The following COG5 variants were observed in gnomAD, a reference collection of about 807,000 sequenced individuals.
COG5 encodes component of oligomeric golgi complex 5.
COG5 carries 86 observed loss-of-function variants against 110.4 expected under a neutral mutation model. The observed-to-expected ratio is 0.78, with a 90% CI of 0.65 to 0.93. The LOEUF is 0.93. COG5 is among the 40% of genes least tolerant of loss of function. The pLI is 0.00. For missense variants in COG5, 1,077 were observed against 987.0 expected (o/e 1.09, Z -1.22); for synonymous variants, 360 against 334.6 (o/e 1.08, Z -0.83).
intron 11 of COG5, among the ~76,000 whole-genome samples, chr7:107,314,326 G>T (rs1808536206): frequency 6.6e-6 from 1 of 152,106 alleles, no homozygotes; most frequent in Non-Finnish European, 1.5e-5. Context: ...TATTCTTGAT[G>T]CTGTACTTGA....
At chr7:107,266,997 C>A (rs144293006) in intron 14 of COG5, among the ~76,000 whole-genome samples, 15 of 152,280 alleles carry the variant, frequency 9.9e-5, no homozygotes, top group African/African-American at 3.4e-4. Context: ...CAGGCTAAAT[C>A]TTCACACAAA....
At chr7:107,507,667 T>G (rs1023149835) in intron 6 of COG5, among the ~76,000 whole-genome samples, 5 of 152,204 alleles carry the variant, frequency 3.3e-5, no homozygotes, top group African/African-American at 9.6e-5. Flanking sequence ...CAAAAAACAT[T>G]AATTACTTCA....
intron 6 of COG5, among the ~76,000 whole-genome samples, chr7:107,425,777 T>G (rs184416395): frequency 6.6e-6 from 1 of 152,300 alleles, no homozygotes; most frequent in East Asian, 1.9e-4. Flanking sequence ...AACATTCATA[T>G]AATGCTTACT....
intron 14 of COG5, among the ~76,000 whole-genome samples, chr7:107,273,249 G>A (rs1227484859): frequency 6.6e-6 from 1 of 152,054 alleles, no homozygotes; most frequent in Non-Finnish European, 1.5e-5. Flanking sequence ...TAGTGGCCCT[G>A]GGCAGTAAAT....
chr7:107,319,917 T>G (rs1809106752), intron 11 of COG5, among the ~76,000 whole-genome samples: 1 of 152,128 alleles, frequency 6.6e-6, no homozygotes, highest in Non-Finnish European at 1.5e-5. Context: ...GCAATGACTG[T>G]GCCTGTGAAT....
chr7:107,472,299 T>C (rs1796681109), intron 6 of COG5: 1 of 151,954 alleles, frequency 6.6e-6, no homozygotes, highest in Non-Finnish European at 1.5e-5. Context: ...TTCACTGTTG[T>C]CAGGTAAAAA....
chr7:107,505,628 C>A (rs1798936141), intron 6 of COG5, among the ~76,000 whole-genome samples: 1 of 152,238 alleles, frequency 6.6e-6, no homozygotes, highest in East Asian at 1.9e-4. Context: ...AGCACCAGGA[C>A]TGCCTGACTG....
intron 6 of COG5, among the ~76,000 whole-genome samples, chr7:107,481,531 TC>T (rs1439793837): frequency 6.6e-6 from 1 of 152,054 alleles, no homozygotes; most frequent in African/African-American, 2.4e-5. Context: ...TTACACACAA[TC>T]CCATACGTCA....
At chr7:107,353,763 T>C (rs984875754) in intron 10 of COG5, among the ~76,000 whole-genome samples, 1 of 152,202 alleles carries the variant, frequency 6.6e-6, no homozygotes, top group Non-Finnish European at 1.5e-5. Flanking sequence ...ATTCAGACCA[T>C]TTATGCCCTC....
chr7:107,436,836 G>A (rs1470800027), intron 6 of COG5, among the ~76,000 whole-genome samples: 1 of 152,182 alleles, frequency 6.6e-6, no homozygotes, highest in Admixed American at 6.5e-5. Context: ...AAGACGCAGT[G>A]TGCCTTGTTT....
At chr7:107,465,197 A>G (rs1796225580) in intron 6 of COG5, among the ~76,000 whole-genome samples, 2 of 152,196 alleles carry the variant, frequency 1.3e-5, no homozygotes, top group African/African-American at 4.8e-5. Context: ...CTATTTGCAG[A>G]CAATTGTCTA....
chr7:107,356,877 CCTT>C (rs918587093), intron 10 of COG5, among the ~76,000 whole-genome samples: 71 of 152,154 alleles, frequency 4.7e-4, no homozygotes, highest in African/African-American at 1.6e-3. Flanking sequence ...CAGGATATAT[CCTT>C]CTTAAATATC....
chr7:107,283,927 T>G (rs922012804), intron 12 of COG5, among the ~76,000 whole-genome samples, 195 bp from the exon 13 acceptor site: 2 of 149,946 alleles, frequency 1.3e-5, no homozygotes, highest in African/African-American at 2.4e-5. Context: ...AGGACCATAG[T>G]AACCTTTTTT....
chr7:107,561,942 C>G (rs765658981), intron 1 of COG5, among the ~76,000 whole-genome samples: 2 of 151,836 alleles, frequency 1.3e-5, no homozygotes, highest in African/African-American at 2.4e-5. Flanking sequence ...CGCCACTGCA[C>G]TCCAGCCTGG....
chr7:107,368,047 G>A (rs1472435634), intron 8 of COG5, among the ~76,000 whole-genome samples: 1 of 151,996 alleles, frequency 6.6e-6, no homozygotes, highest in African/African-American at 2.4e-5. Context: ...CTAACAACTG[G>A]CAAATGAGGA....
rs552557901 is a variant in COG5, at chr7:107,321,023, A to G, written c.1108+3417T>C. Among the ~76,000 whole-genome samples the G allele has an allele frequency of 5.1e-4, 77 of 152,334 alleles. No homozygotes were observed. In the South Asian group the frequency reaches 0.011, roughly 22 times the overall value. On this transcript the variant is annotated intron_variant, in intron 11 of 21. Coordinates refer to ENST00000297135, the MANE Select transcript of COG5 (RefSeq NM_006348.5). ...GACATCAGGGTTTCAAAGGGCTTCC[A>G]TAAGTGAGTTTTACATTTGCTTTCT... is the stretch of plus-strand genomic sequence containing the variant.
intron 5 of COG5, among the ~76,000 whole-genome samples, chr7:107,538,956 T>C (rs1258446371): frequency 6.6e-6 from 1 of 152,104 alleles, no homozygotes; most frequent in African/African-American, 2.4e-5. Context: ...TAAGTCCTCA[T>C]TAAACATCAT....
intron 14 of COG5, among the ~76,000 whole-genome samples, chr7:107,261,346 G>C (rs1210998879): frequency 6.6e-6 from 1 of 151,778 alleles, no homozygotes; most frequent in Non-Finnish European, 1.5e-5. Flanking sequence ...CTCAGATACA[G>C]GAACGTGCAT....
chr7:107,531,640 C>T (rs1023004678), intron 5 of COG5, among the ~76,000 whole-genome samples: 53 of 101,544 alleles, frequency 5.2e-4, no homozygotes, highest in African/African-American at 1.3e-3. Flanking sequence ...TCGGTGAGGG[C>T]GGGGGGGAGG....
Sources: allele counts gnomAD v4.1 joint callset (sites outside exome capture counted in the v4.1 genomes callset), GRCh38; gene constraint gnomAD v4.1.1; transcripts MANE v1.5; gene names NCBI Gene and HGNC (gene_info 2026-07-23, HGNC 2026-07-21).